Variants in ITGA9 observed in about 807,000 individuals in gnomAD.
The protein encoded by ITGA9 is integrin subunit alpha 9.
In ITGA9, 56 loss-of-function variants were observed where a neutral mutation model predicts 127.8. The observed-to-expected ratio is 0.44, with a 90% confidence interval of 0.35 to 0.55. The LOEUF (loss-of-function observed/expected upper bound fraction) is 0.55. Among genes scored for constraint, ITGA9 ranks in the 20% least tolerant of loss-of-function variants. The pLI is 0.00. For missense variants in ITGA9, 1,196 were observed against 1,347.1 expected (o/e 0.89, Z 1.76); for synonymous variants, 508 against 514.5 (o/e 0.99, Z 0.17).
chr3:37,623,263 A>G (rs899888285), intron 15 of ITGA9, among the ~76,000 whole-genome samples: 3 of 152,238 alleles, frequency 2.0e-5, no homozygotes, highest in East Asian at 3.8e-4. Flanking sequence ...TGTGGCGTAC[A>G]GTAAACATAC....
At chr3:37,767,582 G>A (rs1452933168) in intron 23 of ITGA9, among the ~76,000 whole-genome samples, 3 of 152,150 alleles carry the variant, frequency 2.0e-5, no homozygotes, top group East Asian at 3.9e-4. Context: ...ACCCGTTTCG[G>A]TTCAAAGACA....
intron 18 of ITGA9, among the ~76,000 whole-genome samples, chr3:37,714,215 T>G (rs1701109213): frequency 6.6e-6 from 1 of 152,226 alleles, no homozygotes; most frequent in Non-Finnish European, 1.5e-5. Flanking sequence ...GTATAAGACC[T>G]ACCTCACGGT....
At chr3:37,685,218 A>G (rs375024806) in intron 18 of ITGA9, among the ~76,000 whole-genome samples, 5 of 152,306 alleles carry the variant, frequency 3.3e-5, no homozygotes, top group East Asian at 1.9e-4. Context: ...TGTGGCCTCA[A>G]TAGTGTTGAC....
At chr3:37,790,279 T>G in intron 26 of ITGA9, 1 of 542,288 alleles carries the variant, frequency 1.8e-6, no homozygotes, top group Non-Finnish European at 3.7e-6. Context: ...GTCATCTTTA[T>G]GAGCAATCTC....
intron 15 of ITGA9, among the ~76,000 whole-genome samples, chr3:37,554,166 T>C (rs1347958196): frequency 6.6e-6 from 1 of 151,812 alleles, no homozygotes; most frequent in Non-Finnish European, 1.5e-5. Context: ...GCGATGAGGC[T>C]ATGGAAAAAA....
chr3:37,762,236 G>GA (rs1696731068), intron 23 of ITGA9, among the ~76,000 whole-genome samples: 1 of 152,162 alleles, frequency 6.6e-6, no homozygotes, highest in Non-Finnish European at 1.5e-5. Context: ...CTTTTTCACT[G>GA]AAAAATCAAC....
rs536537016 is a variant in ITGA9, at chr3:37,653,926, TA to T, written c.1916+143del. On this transcript the variant is annotated intron_variant, in intron 17 of 27. Transcript: ENST00000264741. ...GGGTTACAGTAATATTCTGTGGTTTTAAAAAAATGTATGTTACAAAATAATT... is the reference window on the plus strand; with the variant it reads ...GGGTTACAGTAATATTCTGTGGTTTTAAAAAATGTATGTTACAAAATAATT... The T allele has an allele frequency of 3.4e-4, 234 of 683,440 alleles. 1 individual carries two copies. The East Asian group carries it at 5.9e-3, about 17-fold the overall frequency. The allele number at this position is 683,440 out of a possible 1,614,324, so 42.3% of individuals were successfully genotyped here. A position where few individuals can be genotyped will look rare whatever the true frequency, so the allele number is the denominator to read the frequency against.
At chr3:37,798,986 A>G (rs1190976493) in intron 26 of ITGA9, among the ~76,000 whole-genome samples, 1 of 152,130 alleles carries the variant, frequency 6.6e-6, no homozygotes, top group Non-Finnish European at 1.5e-5. Flanking sequence ...TTTGTGATTG[A>G]CCATAGTTTA....
At chr3:37,575,585 C>A (rs1273005434) in intron 15 of ITGA9, among the ~76,000 whole-genome samples, 4 of 152,112 alleles carry the variant, frequency 2.6e-5, no homozygotes, top group African/African-American at 9.7e-5. Context: ...GAAAGGAAAG[C>A]AGCTCTGCCC....
intron 17 of ITGA9, among the ~76,000 whole-genome samples, chr3:37,664,923 C>T (rs1449194714): frequency 6.6e-6 from 1 of 151,088 alleles, no homozygotes; most frequent in East Asian, 1.9e-4. Flanking sequence ...ATTGTCTGCA[C>T]CAGCTCTGAA....
At chr3:37,665,932 G>A (rs373957222) in intron 17 of ITGA9, among the ~76,000 whole-genome samples, 78 of 152,200 alleles carry the variant, frequency 5.1e-4, no homozygotes, top group Non-Finnish European at 9.8e-4. Context: ...GAAAGACATC[G>A]AAGGGTGACA....
chr3:37,728,537 C>G (rs1286355788), intron 18 of ITGA9, among the ~76,000 whole-genome samples: 1 of 152,162 alleles, frequency 6.6e-6, no homozygotes, highest in African/African-American at 2.4e-5. Flanking sequence ...TGATCTGAAA[C>G]CAGGAGAACA....
intron 26 of ITGA9, among the ~76,000 whole-genome samples, chr3:37,793,231 G>T (rs989861630): frequency 6.6e-6 from 1 of 151,854 alleles, no homozygotes; most frequent in Non-Finnish European, 1.5e-5. Flanking sequence ...CCCCTCACTG[G>T]ACCCGTGGGC....
chr3:37,703,368 CA>C (rs1402762664), intron 18 of ITGA9, among the ~76,000 whole-genome samples: 2 of 152,172 alleles, frequency 1.3e-5, no homozygotes, highest in Admixed American at 6.5e-5. Context: ...AGTTTTTGAT[CA>C]ATTGGGTTGC....
Position 37,465,656 on chromosome 3 carries a change from C to T in ITGA9, c.186-5351C>T, listed in dbSNP as rs541861334. Reference sequence around the variant, plus strand: ...TAACACCATGACAGCAGTGTCAATGCTTTGGAAAAGCAAGGTGATTGAAGT... The same window carrying T: ...TAACACCATGACAGCAGTGTCAATGTTTTGGAAAAGCAAGGTGATTGAAGT... On this transcript the variant is annotated intron_variant, in intron 1 of 27. Transcript: ENST00000264741. 3.3e-5 allele frequency among the ~76,000 whole-genome samples: 5 copies of T among 152,310 alleles called. No individual in the cohort carries two copies. In the South Asian group the frequency reaches 1.0e-3, roughly 32 times the overall value.
At chr3:37,755,110 A>T (rs1048314078) in intron 23 of ITGA9, among the ~76,000 whole-genome samples, 1 of 152,210 alleles carries the variant, frequency 6.6e-6, no homozygotes, top group South Asian at 2.1e-4. Context: ...AGGCTTTAGT[A>T]GCCTTTTTCA....
chr3:37,497,742 A>C (rs1356896072), intron 5 of ITGA9, among the ~76,000 whole-genome samples: 2 of 152,162 alleles, frequency 1.3e-5, no homozygotes, highest in Non-Finnish European at 2.9e-5. Context: ...TGTGACAACT[A>C]TGGCTGTTGT....
Position 37,744,250 on chromosome 3 carries a change from G to A in ITGA9, c.2433+216G>A, listed in dbSNP as rs202011549. Among the ~76,000 whole-genome samples, 4 of 152,328 alleles carry A rather than the reference G, an allele frequency of 2.6e-5. No individual in the cohort carries two copies. The South Asian group carries it at 8.3e-4, about 32-fold the overall frequency. The stretch of plus-strand genomic sequence containing the variant: ...CCCTCTGCTTTTTCAGGATTTGGAA[G>A]GACAGGTCCACGTCATGAATGCCAG... On this transcript the variant is annotated intron_variant, in intron 22 of 27. Coordinates refer to ENST00000264741, the MANE Select transcript of ITGA9 (RefSeq NM_002207.3).
chr3:37,602,516 A>G (rs934432281), intron 15 of ITGA9, among the ~76,000 whole-genome samples: 3 of 152,000 alleles, frequency 2.0e-5, no homozygotes, highest in Admixed American at 1.3e-4. Flanking sequence ...TCAAGCAGAA[A>G]CCCACAATAA....
Sources: allele counts gnomAD v4.1 joint callset (sites outside exome capture counted in the v4.1 genomes callset), GRCh38; gene constraint gnomAD v4.1.1; transcripts MANE v1.5; gene names NCBI Gene and HGNC (gene_info 2026-07-23, HGNC 2026-07-21).